The following CAMTA1 variants were observed in gnomAD, a reference collection of about 807,000 sequenced individuals.
CAMTA1 encodes the protein calmodulin binding transcription activator 1, also known as calmodulin-binding transcription activator 1.
Under a neutral mutation model 170.9 loss-of-function variants are expected in CAMTA1, and 27 were observed. That is an observed-to-expected ratio of 0.16 (90% CI 0.12 to 0.22). The LOEUF is 0.22. Among genes scored for constraint, CAMTA1 ranks in the 10% least tolerant of loss-of-function variants. The probability of loss-of-function intolerance (pLI) is 1.00; values close to 1 mark genes in which losing one functional copy is unlikely to be tolerated. For synonymous variants in CAMTA1, 833 were observed against 891.5 expected (o/e 0.93, Z 1.17); for missense variants, 1,619 against 2,217.2 (o/e 0.73, Z 5.42).
At chr1:6,907,311 G>T (rs1678724504) in intron 3 of CAMTA1, among the ~76,000 whole-genome samples, 1 of 152,172 alleles carries the variant, frequency 6.6e-6, no homozygotes, top group Admixed American at 6.5e-5. Flanking sequence ...TAGGAACTTT[G>T]TTGTAAGGAG....
chr1:7,301,102 G>A lies in CAMTA1; in HGVS notation c.438+51476G>A, dbSNP rs946243675. ...TTACCCAGGAGCCCAGAAATATGAC[G>A]TGAGGGTGACAGAGGAGCCACAGCC... On this transcript the variant is annotated intron_variant, in intron 5 of 22. Coordinates refer to ENST00000303635, the MANE Select transcript of CAMTA1 (RefSeq NM_015215.4). Among the ~76,000 whole-genome samples, 37 of 152,216 alleles carry A rather than the reference G, an allele frequency of 2.4e-4. No individual in the cohort carries two copies. In the Middle Eastern group the frequency reaches 0.01, roughly 42 times the overall value.
chr1:7,120,020 A>G (rs1184868996), intron 4 of CAMTA1, among the ~76,000 whole-genome samples: 2 of 152,138 alleles, frequency 1.3e-5, no homozygotes, highest in Non-Finnish European at 2.9e-5. Context: ...AGATAGGTAT[A>G]ATTATTATCA....
intron 3 of CAMTA1, among the ~76,000 whole-genome samples, chr1:6,884,166 CCTT>C (rs1427187232): frequency 2.7e-5 from 3 of 109,298 alleles, no homozygotes; most frequent in Non-Finnish European, 6.2e-5. Flanking sequence ...ATTTCTCACT[CCTT>C]CTGAGGGGAG....
chr1:7,322,299 C>A (rs1279967122), intron 5 of CAMTA1, among the ~76,000 whole-genome samples: 6 of 152,196 alleles, frequency 3.9e-5, no homozygotes, highest in African/African-American at 1.4e-4. Flanking sequence ...TTTCCAATTG[C>A]ACATTAATTG....
chr1:7,734,410 C>T (rs565209252), intron 12 of CAMTA1, among the ~76,000 whole-genome samples: 8 of 152,316 alleles, frequency 5.3e-5, no homozygotes, highest in African/African-American at 1.2e-4. Flanking sequence ...CTGGCTCAAA[C>T]GCTATGCAAC....
At chr1:7,563,577 A>G (rs2094991717) in intron 6 of CAMTA1, among the ~76,000 whole-genome samples, 1 of 152,144 alleles carries the variant, frequency 6.6e-6, no homozygotes, top group Non-Finnish European at 1.5e-5. Flanking sequence ...GGTGTTAGCA[A>G]CCCTTGGCTT....
chr1:7,271,738 A>G (rs546164534), intron 5 of CAMTA1, among the ~76,000 whole-genome samples: 3 of 152,292 alleles, frequency 2.0e-5, no homozygotes, highest in African/African-American at 7.2e-5. Flanking sequence ...ATGGATAGAC[A>G]GACAAATAAA....
At position 7,737,567 on chromosome 1, in the gene CAMTA1, C is replaced by G. The variant is rs138322172; in HGVS notation, c.3655C>G (p.Pro1219Ala). The G allele has an allele frequency of 2.7e-4, 438 of 1,601,204 alleles. 1 individual carries two copies. The African/African-American group carries it at 5.3e-3, about 19-fold the overall frequency. The part of the protein sequence containing the change: ...KGVTVIASTN[P>A]ELRRPRSEPS... Reference sequence around the variant, plus strand: ...AGTCACTGTTATTGCAAGCACCAACCCAGGTAAGAATTCAGAATCATGACA... The same window carrying G: ...AGTCACTGTTATTGCAAGCACCAACGCAGGTAAGAATTCAGAATCATGACA... Residue 1219 changes from proline (P) to alanine (A), a missense_variant, in exon 15 of 23, where the codon CCA becomes GCA. Transcript: ENST00000303635.
At position 7,435,542 on chromosome 1, in the gene CAMTA1, C is replaced by T. The variant is rs2092319075; in HGVS notation, c.439-32288C>T. 6.6e-6 allele frequency among the ~76,000 whole-genome samples: 1 copy of T among 152,224 alleles called. No individual in the cohort carries two copies. On this transcript the variant is annotated intron_variant, in intron 5 of 22. Coordinates refer to ENST00000303635, the MANE Select transcript of CAMTA1 (RefSeq NM_015215.4). This position sits in a 1 kb window ranked among gnomAD's most constrained non-coding sequence, Gnocchi z 4.4. Reference sequence around the variant, plus strand: ...TGAAGAGAGCAACCGGCAGTGGGCTCTTCAGGGTTCTCAGCCTGGTTCACT... The same window carrying T: ...TGAAGAGAGCAACCGGCAGTGGGCTTTTCAGGGTTCTCAGCCTGGTTCACT...
intron 7 of CAMTA1, among the ~76,000 whole-genome samples, chr1:7,643,029 T>C (rs1219291045): frequency 2.0e-5 from 3 of 150,000 alleles, no homozygotes; most frequent in Non-Finnish European, 4.4e-5. Flanking sequence ...TTCTGGGGCT[T>C]AGTCAGTGCT....
intron 5 of CAMTA1, among the ~76,000 whole-genome samples, chr1:7,317,744 A>G (rs1032654183): frequency 4.6e-5 from 7 of 152,234 alleles, no homozygotes; most frequent in Non-Finnish European, 1.5e-5. Flanking sequence ...CCTGAATGGA[A>G]CACAGCCCTG....
chr1:6,793,054 A>G (rs1484450746), intron 1 of CAMTA1, among the ~76,000 whole-genome samples: 1 of 152,028 alleles, frequency 6.6e-6, no homozygotes, highest in Non-Finnish European at 1.5e-5. Flanking sequence ...TCTTATATAT[A>G]TATATACCCC....
chr1:7,230,437 C>CA (rs1202433036), intron 4 of CAMTA1, among the ~76,000 whole-genome samples: 8 of 78,826 alleles, frequency 1.0e-4, no homozygotes, highest in Non-Finnish European at 1.1e-4. Context: ...GGCTGACCCC[C>CA]CCCCCCCGCC....
chr1:7,428,269 G>T (rs1014308119), intron 5 of CAMTA1, among the ~76,000 whole-genome samples: 1 of 152,106 alleles, frequency 6.6e-6, no homozygotes, highest in East Asian at 1.9e-4. Flanking sequence ...GGAAGACCTC[G>T]TCGGGCGAAT....
chr1:7,487,886 C>T (rs1024140644), intron 6 of CAMTA1, among the ~76,000 whole-genome samples: 4 of 152,186 alleles, frequency 2.6e-5, no homozygotes, highest in African/African-American at 7.2e-5. Context: ...CGGTTGCTCA[C>T]GTCACAGCTC....
At chr1:7,429,174 T>C (rs929438726) in intron 5 of CAMTA1, among the ~76,000 whole-genome samples, 2 of 152,144 alleles carry the variant, frequency 1.3e-5, no homozygotes, top group Non-Finnish European at 2.9e-5. Flanking sequence ...CTTGAGTGAG[T>C]TCCTAACCTC....
intron 11 of CAMTA1, among the ~76,000 whole-genome samples, chr1:7,688,878 G>A (rs2096280978): frequency 6.6e-6 from 1 of 152,204 alleles, no homozygotes; most frequent in South Asian, 2.1e-4. Flanking sequence ...CTTTGCACCT[G>A]TTGTGAAATC....
At chr1:6,859,662 TC>T (rs917036554) in intron 3 of CAMTA1, among the ~76,000 whole-genome samples, 1 of 152,098 alleles carries the variant, frequency 6.6e-6, no homozygotes, top group Non-Finnish European at 1.5e-5. Context: ...GGTTGTGCGT[TC>T]CTGTGGTCCC....
intron 6 of CAMTA1, among the ~76,000 whole-genome samples, chr1:7,563,156 G>C (rs79085932): frequency 6.6e-6 from 1 of 152,194 alleles, no homozygotes; most frequent in Non-Finnish European, 1.5e-5. Flanking sequence ...CCCAGGCATC[G>C]GGGCAGCCCC....
Sources: gnomAD v4.1 joint callset for allele counts (sites outside exome capture counted in the v4.1 genomes callset) on GRCh38, gnomAD v4.1.1 for gene constraint, Gnocchi (gnomAD v3.1) non-coding constraint, MANE v1.5 for transcripts, NCBI Gene and HGNC (gene_info 2026-07-23, HGNC 2026-07-21) for gene names.